INSL6: variants seen among roughly 807,000 people sequenced by gnomAD.
INSL6 encodes insulin-like peptide INSL6.
Under a neutral mutation model 9.4 loss-of-function variants are expected in INSL6, and 16 were observed. The observed-to-expected ratio is 1.70, with a 90% CI of 1.15 to 2.59. The LOEUF is 2.59. INSL6 is among the 30% of genes most tolerant of loss of function. The probability of loss-of-function intolerance (pLI) is 0.00; values close to 1 mark genes in which losing one functional copy is unlikely to be tolerated. For missense variants in INSL6, 391 were observed against 257.3 expected, an observed-to-expected ratio of 1.52 and a Z score of -3.56; for synonymous variants, 154 against 96.9, an observed-to-expected ratio of 1.59 and a Z score of -3.46.
At chr9:5,047,185 C>A in the INSL6 span, among the ~76,000 whole-genome samples, 2 of 152,052 alleles carry the variant, frequency 1.3e-5, no homozygotes, top group Non-Finnish European at 2.9e-5. Context: ...TAAGATTGTA[C>A]TGTTATCATT....
the INSL6 span, among the ~76,000 whole-genome samples, chr9:5,056,857 T>A: frequency 6.6e-6 from 1 of 152,180 alleles, no homozygotes; most frequent in Admixed American, 6.5e-5. Flanking sequence ...AAGTCTGCAA[T>A]ACAGAGAAGT....
the INSL6 span, among the ~76,000 whole-genome samples, chr9:5,064,267 C>T: frequency 1.2e-4 from 18 of 152,266 alleles, no homozygotes; most frequent in East Asian, 1.7e-3. Context: ...CCGTGGCTCA[C>T]GCCTGTAACC....
the INSL6 span, chr9:5,112,471 C>T: frequency 3.7e-6 from 2 of 544,234 alleles, no homozygotes; most frequent in Non-Finnish European, 6.7e-6. Flanking sequence ...CCCCCGGGAC[C>T]GGACCAGCCC....
At chr9:5,124,315 T>C (rs1159720324) in exon 4 of INSL6, among the ~76,000 whole-genome samples, 4 of 151,606 alleles carry the variant, frequency 2.6e-5, no homozygotes, top group African/African-American at 9.7e-5. Flanking sequence ...TTTCTCTAGG[T>C]TTTTTTTCTA....
the INSL6 span, chr9:5,090,665 AAT>A: frequency 1.3e-6 from 2 of 1,519,440 alleles, no homozygotes; most frequent in East Asian, 4.6e-5. Flanking sequence ...TAATAAAGGG[AAT>A]ATATAGGGTT....
chr9:4,997,193 A>G, the INSL6 span, among the ~76,000 whole-genome samples: 2 of 151,772 alleles, frequency 1.3e-5, no homozygotes, highest in African/African-American at 2.4e-5. Flanking sequence ...CAGCCTCCCA[A>G]AGTGCTGGGA....
At chr9:5,115,611 TG>T in the INSL6 span, among the ~76,000 whole-genome samples, 1 of 152,200 alleles carries the variant, frequency 6.6e-6, no homozygotes, top group Non-Finnish European at 1.5e-5. Context: ...CACATGCACA[TG>T]TATGTTTATT....
chr9:5,127,269 A>G (rs1824061051), intron 3 of INSL6: 1 of 232,542 alleles, frequency 4.3e-6, no homozygotes, highest in Non-Finnish European at 8.5e-6. Context: ...TAGTTAATCT[A>G]TAATTAATTA....
At chr9:5,144,842 T>G (rs1824570932) in intron 2 of INSL6, among the ~76,000 whole-genome samples, 1 of 152,234 alleles carries the variant, frequency 6.6e-6, no homozygotes, top group Non-Finnish European at 1.5e-5. Flanking sequence ...CATACCTTTA[T>G]TTTCAGCCTA....
At chr9:5,107,600 T>C in the INSL6 span, among the ~76,000 whole-genome samples, 1 of 152,150 alleles carries the variant, frequency 6.6e-6, no homozygotes, top group Non-Finnish European at 1.5e-5. Flanking sequence ...AAGAAATGAT[T>C]TCGATTCATT....
the INSL6 span, among the ~76,000 whole-genome samples, chr9:5,029,232 T>C: frequency 6.6e-6 from 1 of 152,268 alleles, no homozygotes; most frequent in Admixed American, 6.5e-5. Flanking sequence ...TAGAGAGGCC[T>C]AAGGAGAGGG....
chr9:5,067,298 C>G, the INSL6 span, among the ~76,000 whole-genome samples: 1 of 151,770 alleles, frequency 6.6e-6, no homozygotes, highest in African/African-American at 2.4e-5. Context: ...ATGCATGTTT[C>G]AACGGTAAAA....
At chr9:5,024,887 G>C in the INSL6 span, among the ~76,000 whole-genome samples, 108 of 152,332 alleles carry the variant, frequency 7.1e-4, 2 homozygotes, top group Non-Finnish European at 1.3e-3. Flanking sequence ...TCACTCCAGA[G>C]CCAGGGACCA....
chr9:5,032,326 G>C, the INSL6 span, among the ~76,000 whole-genome samples: 2 of 152,212 alleles, frequency 1.3e-5, no homozygotes, highest in African/African-American at 4.8e-5. Context: ...CTGGGGGCAG[G>C]GCATAGCCAA....
the INSL6 span, among the ~76,000 whole-genome samples, chr9:5,056,912 A>G: frequency 1.8e-4 from 27 of 152,314 alleles, no homozygotes; most frequent in African/African-American, 6.0e-4. Flanking sequence ...TGGTAGGGCT[A>G]TTTAAACTCA....
chr9:5,176,738 A>G (rs1306363698), intron 1 of INSL6, among the ~76,000 whole-genome samples: 4 of 152,006 alleles, frequency 2.6e-5, no homozygotes, highest in Admixed American at 6.6e-5. Flanking sequence ...AAAAAATGGT[A>G]TAAGTTTAGC....
chr9:5,154,774 G>A (rs888754328), intron 2 of INSL6, among the ~76,000 whole-genome samples: 1 of 152,186 alleles, frequency 6.6e-6, no homozygotes, highest in Non-Finnish European at 1.5e-5. Context: ...ACCACAATGA[G>A]ATACCATCAC....
At chr9:5,090,299 TAAC>T in the INSL6 span, 6 of 491,356 alleles carry the variant, frequency 1.2e-5, no homozygotes, top group Non-Finnish European at 2.0e-5. Flanking sequence ...ACTATGTTCT[TAAC>T]AACTATATCA....
chr9:5,176,126 C>T (rs1437028501), intron 1 of INSL6, among the ~76,000 whole-genome samples: 2 of 152,194 alleles, frequency 1.3e-5, no homozygotes, highest in Admixed American at 6.5e-5. Context: ...TCTGCTCCAA[C>T]CACATTTGGA....
Sources: allele counts gnomAD v4.1 joint callset (sites outside exome capture counted in the v4.1 genomes callset), GRCh38; gene constraint gnomAD v4.1.1; transcripts MANE v1.5; gene names NCBI Gene and HGNC (gene_info 2026-07-23, HGNC 2026-07-21).